RBFOX1: variants seen among roughly 807,000 people sequenced by gnomAD.
The protein encoded by RBFOX1 is RNA binding fox-1 homolog 1.
In RBFOX1, 8 loss-of-function variants were observed where a neutral mutation model predicts 57.7. The observed-to-expected ratio is 0.14, with a 90% CI of 0.08 to 0.25. The LOEUF (loss-of-function observed/expected upper bound fraction) is 0.25, where lower values mean the gene tolerates loss of function less well. Ranked by LOEUF, RBFOX1 falls within the 10% of genes least tolerant of loss-of-function variation. RBFOX1 has a pLI of 1.00. For synonymous variants in RBFOX1, 326 were observed against 222.4 expected (o/e 1.47, Z -4.15); for missense variants, 611 against 548.5 (o/e 1.11, Z -1.14).
chr16:7,312,574 C>G (rs973681609), intron 4 of RBFOX1, among the ~76,000 whole-genome samples: 6 of 152,108 alleles, frequency 3.9e-5, no homozygotes, highest in Admixed American at 1.3e-4. Context: ...GTTCCACTAC[C>G]CTGTTTGGGA....
chr16:6,603,612 C>A (rs79873943), intron 2 of RBFOX1, among the ~76,000 whole-genome samples: 3,357 of 152,144 alleles, frequency 0.022, 118 homozygotes, highest in African/African-American at 0.075. Context: ...TTGAGAAAGC[C>A]CCCCCGGGCA....
intron 1 of RBFOX1, among the ~76,000 whole-genome samples, chr16:5,437,697 G>C (rs2067958432): frequency 1.3e-5 from 2 of 152,142 alleles, no homozygotes; most frequent in Non-Finnish European, 2.9e-5. Flanking sequence ...AACTATTTAT[G>C]CCTACAAAAA....
intron 3 of RBFOX1, among the ~76,000 whole-genome samples, chr16:6,912,207 T>C (rs999632785): frequency 6.6e-6 from 1 of 152,200 alleles, no homozygotes; most frequent in Non-Finnish European, 1.5e-5. Flanking sequence ...GTGGAGTAAT[T>C]TCTCTAATGT....
intron 3 of RBFOX1, among the ~76,000 whole-genome samples, chr16:7,039,392 C>T (rs889365569): frequency 6.6e-6 from 1 of 152,156 alleles, no homozygotes; most frequent in Non-Finnish European, 1.5e-5. Flanking sequence ...AGGAAAACAT[C>T]GTGGGAGAGC....
intron 2 of RBFOX1, among the ~76,000 whole-genome samples, chr16:5,573,531 C>G (rs577659545): frequency 2.0e-5 from 3 of 152,306 alleles, no homozygotes; most frequent in Admixed American, 6.5e-5. Flanking sequence ...TTGAGAGGTT[C>G]AGCTCCACGG....
intron 2 of RBFOX1, among the ~76,000 whole-genome samples, chr16:5,539,899 G>T (rs773251769): frequency 3.3e-5 from 5 of 152,312 alleles, no homozygotes; most frequent in Non-Finnish European, 7.4e-5. Context: ...TAACATTTAA[G>T]AGGTAAACAA....
At chr16:5,823,472 A>C (rs1174931893) in intron 3 of RBFOX1, among the ~76,000 whole-genome samples, 1 of 152,180 alleles carries the variant, frequency 6.6e-6, no homozygotes, top group Non-Finnish European at 1.5e-5. Context: ...TGTGTCAGGC[A>C]CTGCCCTCTA....
At chr16:6,513,650 C>G (rs1429843102) in intron 2 of RBFOX1, among the ~76,000 whole-genome samples, 1 of 152,182 alleles carries the variant, frequency 6.6e-6, no homozygotes, top group East Asian at 1.9e-4. Context: ...AGAAGAATCA[C>G]TTGAACTTGG....
chr16:7,610,118 CTTTTTTTT>C (rs34468596), intron 10 of RBFOX1, among the ~76,000 whole-genome samples: 2 of 65,622 alleles, frequency 3.0e-5, no homozygotes, highest in South Asian at 6.2e-4. Flanking sequence ...GCCCGGCCCC[CTTTTTTTT>C]TTTTTTTTTT....
chr16:6,720,329 C>G (rs980970503), intron 3 of RBFOX1, among the ~76,000 whole-genome samples: 9 of 152,128 alleles, frequency 5.9e-5, no homozygotes, highest in Non-Finnish European at 4.4e-5. Flanking sequence ...TCCCTTTTGC[C>G]TTCTGCCCTA....
At chr16:5,694,907 T>G (rs1173431032) in intron 3 of RBFOX1, among the ~76,000 whole-genome samples, 1 of 151,966 alleles carries the variant, frequency 6.6e-6, no homozygotes, top group East Asian at 1.9e-4. Flanking sequence ...TTGAACAGTT[T>G]AGATATAAGA....
intron 3 of RBFOX1, chr16:6,704,043 CCCT>C (rs1372085639): frequency 6.6e-6 from 1 of 152,438 alleles, no homozygotes; most frequent in Admixed American, 6.5e-5. Context: ...ATCTAATTCC[CCCT>C]CCTCCTCGAG....
At chr16:7,414,625 T>G (rs2098461630) in intron 4 of RBFOX1, among the ~76,000 whole-genome samples, 3 of 152,166 alleles carry the variant, frequency 2.0e-5, no homozygotes, top group Non-Finnish European at 4.4e-5. Context: ...TTTTATTTAT[T>G]TATTTATTTT....
At chr16:6,524,502 A>G (rs930568598) in intron 2 of RBFOX1, among the ~76,000 whole-genome samples, 6 of 152,158 alleles carry the variant, frequency 3.9e-5, no homozygotes, top group African/African-American at 1.4e-4. Flanking sequence ...CTCGTTAGAC[A>G]TCAAGTTCCT....
chr16:6,299,343 C>A (rs2078520442), intron 1 of RBFOX1, among the ~76,000 whole-genome samples: 1 of 152,180 alleles, frequency 6.6e-6, no homozygotes, highest in Non-Finnish European at 1.5e-5. Flanking sequence ...GTTGAGCAGG[C>A]AGATCTAATT....
At chr16:6,513,630 A>C (rs566803750) in intron 2 of RBFOX1, among the ~76,000 whole-genome samples, 1 of 152,276 alleles carries the variant, frequency 6.6e-6, no homozygotes, top group South Asian at 2.1e-4. Context: ...GCTATTCGGG[A>C]GGCCGAGGCA....
chr16:7,215,640 G>T (rs913381747), intron 4 of RBFOX1, among the ~76,000 whole-genome samples: 21 of 151,808 alleles, frequency 1.4e-4, no homozygotes, highest in African/African-American at 4.8e-4. Context: ...AAGATCCTCG[G>T]GCAGATTAGC....
At chr16:5,310,084 T>C (rs986118010) in intron 1 of RBFOX1, among the ~76,000 whole-genome samples, 5 of 152,190 alleles carry the variant, frequency 3.3e-5, no homozygotes, top group Admixed American at 3.3e-4. Context: ...CTTCCCAGAA[T>C]CTTTCCTGAT....
At chr16:5,775,499 C>T (rs779754474) in intron 3 of RBFOX1, among the ~76,000 whole-genome samples, 1 of 152,220 alleles carries the variant, frequency 6.6e-6, no homozygotes, top group Non-Finnish European at 1.5e-5. Context: ...TTTGTCCCTT[C>T]TATCACAAAT....
Sources: gnomAD v4.1 joint callset for allele counts (sites outside exome capture counted in the v4.1 genomes callset) on GRCh38, gnomAD v4.1.1 for gene constraint, MANE v1.5 for transcripts, NCBI Gene and HGNC (gene_info 2026-07-23, HGNC 2026-07-21) for gene names.